The following FIP1L1 variants were observed in gnomAD, a reference collection of about 807,000 sequenced individuals.
The protein encoded by FIP1L1 is pre-mRNA 3'-end-processing factor FIP1.
FIP1L1 carries 21 observed loss-of-function variants against 84.6 expected under a neutral mutation model. The ratio of observed to expected loss-of-function variants is 0.25; its 90% CI spans 0.18 to 0.36. FIP1L1 has a LOEUF of 0.36. Among genes scored for constraint, FIP1L1 ranks in the 10% least tolerant of loss-of-function variants. The pLI, the probability that FIP1L1 is intolerant of heterozygous loss-of-function variation, is 1.00. For missense variants in FIP1L1, 526 were observed against 751.1 expected (o/e 0.70, Z 3.50); for synonymous variants, 263 against 242.3 (o/e 1.09, Z -0.80).
intron 13 of FIP1L1, among the ~76,000 whole-genome samples, chr4:53,441,457 CTT>C (rs1771904656): frequency 6.6e-6 from 1 of 151,972 alleles, no homozygotes; most frequent in African/African-American, 2.4e-5. Context: ...TCATTTGTGT[CTT>C]TTTAGTTTAA....
Position 53,459,589 on chromosome 4 carries a change from T to A in FIP1L1, c.*140T>A, listed in dbSNP as rs1579314752. 8.3e-7 allele frequency: 1 copy of A among 1,211,138 alleles called. No individual in the cohort carries two copies. The highest frequency in any genetic ancestry group is 2.4e-5 in the East Asian group (1 of 42,320). The allele number at this position is 1,211,138 out of a possible 1,614,324, so 75.0% of individuals were successfully genotyped here. On this transcript the variant is annotated 3_prime_UTR_variant, in exon 18 of 18. Transcript: ENST00000337488. ...TGAAAAGTTAACTTTTTTTCCAAAA[T>A]AAAAGAGTGAATTTTTCATGTTAAG... is the stretch of plus-strand genomic sequence containing the variant.
chr4:53,382,526 TAGAA>T (rs1003194657), intron 4 of FIP1L1, among the ~76,000 whole-genome samples, 191 bp downstream of exon 4: 2 of 152,210 alleles, frequency 1.3e-5, no homozygotes, highest in Admixed American at 6.5e-5. Context: ...AAAGAAATAG[TAGAA>T]AGACTGCAGA....
Position 53,377,898 on chromosome 4 carries a change from T to G in FIP1L1, c.60T>G (p.Asp20Glu). The change falls in exon 1 of 18, where the codon GAT (aspartate) becomes GAG (glutamate). Residue 20 changes from aspartate (D) to glutamate (E), a missense_variant. Coordinates refer to ENST00000337488, the MANE Select transcript of FIP1L1 (RefSeq NM_030917.4). Reference protein sequence around the residue: ...VSELSGGTGGDEEEEWLYGGP... With the variant: ...VSELSGGTGGEEEEEWLYGGP... ...AGCTGAGCGGCGGGACCGGAGGGGA[T>G]GAGGAGGAAGAGTGGCTCTATGGCG... is the stretch of plus-strand genomic sequence containing the variant. 6.3e-7 allele frequency: 1 copy of G among 1,599,832 alleles called. No individual in the cohort carries two copies. Among genetic ancestry groups the G allele is most frequent in the Non-Finnish European group, 8.5e-7 (1 of 1,173,192 alleles).
intron 11 of FIP1L1, among the ~76,000 whole-genome samples, chr4:53,425,156 C>T (rs1200715157): frequency 1.3e-5 from 2 of 152,192 alleles, no homozygotes; most frequent in South Asian, 2.1e-4. Context: ...TCATCTTAGG[C>T]ATGCATACTT....
chr4:53,447,412 C>G (rs1420161711), intron 15 of FIP1L1, among the ~76,000 whole-genome samples: 1 of 152,104 alleles, frequency 6.6e-6, no homozygotes, highest in Non-Finnish European at 1.5e-5. Flanking sequence ...GTGCGTCTTT[C>G]TAAGCCTTCA....
chr4:53,393,773 C>A lies in FIP1L1; in HGVS notation c.705+2275C>A, dbSNP rs1251446810. Among the ~76,000 whole-genome samples the A allele has an allele frequency of 1.4e-4, 9 of 64,670 alleles. No individual in the cohort carries two copies. The East Asian group carries it at 2.5e-3, about 18-fold the overall frequency. 42.4% of individuals were successfully genotyped at this position (64,670 alleles called of 152,430 possible). A position where few individuals can be genotyped will look rare whatever the true frequency, so the allele number is the denominator to read the frequency against. On this transcript the variant is annotated intron_variant, in intron 9 of 17. Coordinates refer to ENST00000337488, the MANE Select transcript of FIP1L1 (RefSeq NM_030917.4). ...ATAGATTTTCCCCCCGGCCCCCCCC[C>A]CCCCCCCCGCCCCCGGCTGTGAATG... is the stretch of plus-strand genomic sequence containing the variant.
chr4:53,435,475 A>C (rs189860099), intron 13 of FIP1L1, among the ~76,000 whole-genome samples: 4 of 152,340 alleles, frequency 2.6e-5, no homozygotes, highest in Non-Finnish European at 5.9e-5. Context: ...ATTAAAAAAC[A>C]TAGGTATTTC....
At chr4:53,420,424 CA>C (rs1234042362) in intron 11 of FIP1L1, among the ~76,000 whole-genome samples, 1 of 97,246 alleles carries the variant, frequency 1.0e-5, no homozygotes, top group African/African-American at 3.6e-5. Flanking sequence ...AGTGAAACTC[CA>C]TCTCAAAAAA....
chr4:53,410,346 G>C (rs1756537823), intron 10 of FIP1L1, among the ~76,000 whole-genome samples: 2 of 152,192 alleles, frequency 1.3e-5, no homozygotes, highest in Admixed American at 1.3e-4. Flanking sequence ...TTCTTCGACA[G>C]CTTCTCGTGT....
chr4:53,431,570 AATG>A (rs1766672770), intron 13 of FIP1L1, among the ~76,000 whole-genome samples: 1 of 151,596 alleles, frequency 6.6e-6, no homozygotes, highest in African/African-American at 2.4e-5. Flanking sequence ...TAAGTATAGT[AATG>A]ATATTTTATT....
chr4:53,394,339 T>A (rs1194691213), intron 9 of FIP1L1, among the ~76,000 whole-genome samples: 2 of 152,232 alleles, frequency 1.3e-5, no homozygotes, highest in Non-Finnish European at 2.9e-5. Context: ...GGTGGGCTGC[T>A]AAAATTGATT....
At chr4:53,454,182 A>G (rs1218205415) in intron 16 of FIP1L1, among the ~76,000 whole-genome samples, 1 of 152,146 alleles carries the variant, frequency 6.6e-6, no homozygotes, top group Non-Finnish European at 1.5e-5. Flanking sequence ...TCATAAGATT[A>G]CAATACTGTT....
At chr4:53,412,742 C>G (rs1757760999) in intron 10 of FIP1L1, among the ~76,000 whole-genome samples, 1 of 152,036 alleles carries the variant, frequency 6.6e-6, no homozygotes, top group Non-Finnish European at 1.5e-5. Context: ...GGTTTCTGCA[C>G]TGCAAAGTTG....
intron 16 of FIP1L1, among the ~76,000 whole-genome samples, chr4:53,457,228 C>T (rs928009840): frequency 5.3e-5 from 8 of 152,024 alleles, no homozygotes; most frequent in Non-Finnish European, 8.8e-5. Context: ...GTAATAGCCT[C>T]GGTCACTCAT....
chr4:53,399,908 T>C (rs1749366026), intron 10 of FIP1L1, 69 bp downstream of exon 10: 1 of 1,064,776 alleles, frequency 9.4e-7, no homozygotes, highest in Admixed American at 2.1e-5. Context: ...TGTGCTATAT[T>C]AAGTATAAAA....
chr4:53,408,957 G>A (rs1261058215), intron 10 of FIP1L1, among the ~76,000 whole-genome samples: 1 of 152,110 alleles, frequency 6.6e-6, no homozygotes. Flanking sequence ...CCCGTAGCTT[G>A]GAGTAGTTTG....
intron 9 of FIP1L1, among the ~76,000 whole-genome samples, chr4:53,396,296 G>A (rs111361804): frequency 6.6e-6 from 1 of 152,128 alleles, no homozygotes; most frequent in Non-Finnish European, 1.5e-5. Context: ...GGATGTAACA[G>A]AACTTCAAAG....
intron 13 of FIP1L1, among the ~76,000 whole-genome samples, chr4:53,435,181 A>G (rs539065476): frequency 1.3e-5 from 2 of 152,334 alleles, no homozygotes; most frequent in East Asian, 3.9e-4. Context: ...CAAAACAGAG[A>G]GCAATGCTAA....
In FIP1L1 at chr4:53,382,288, C is replaced by T; in HGVS notation, c.181C>T (p.Pro61Ser). ...TTTTGTTGTTTGTAGTGCTAATCCT[C>T]CATCTGGAATTGAAGATGAAACTGC... ...PEEENASANP[P>S]SGIEDETAEN... Residue 61 changes from proline (P) to serine (S), a missense_variant, in exon 4 of 18, where the codon CCA (proline) becomes TCA (serine). Transcript: ENST00000337488. 1 of 1,613,250 alleles carries T rather than the reference C, an allele frequency of 6.2e-7. No homozygotes were observed. The highest frequency in any genetic ancestry group is 8.5e-7 in the Non-Finnish European group (1 of 1,179,308).
Sources: gnomAD v4.1 joint callset for allele counts (sites outside exome capture counted in the v4.1 genomes callset) on GRCh38, gnomAD v4.1.1 for gene constraint, MANE v1.5 for transcripts, NCBI Gene and HGNC (gene_info 2026-07-23, HGNC 2026-07-21) for gene names.